The following SLC14A2 variants were observed in gnomAD, a reference collection of about 807,000 sequenced individuals.
SLC14A2 encodes solute carrier family 14 member 2.
In SLC14A2, 91 loss-of-function variants were observed where a neutral mutation model predicts 104.6. That is an observed-to-expected ratio of 0.87 (90% CI 0.73 to 1.04). SLC14A2 has a LOEUF of 1.04. Ranked by LOEUF, SLC14A2 falls within the 50% of genes least tolerant of loss-of-function variation. SLC14A2 has a pLI of 0.00. For missense variants in SLC14A2, 1,189 were observed against 1,156.0 expected (o/e 1.03, Z -0.41); for synonymous variants, 476 against 466.4 (o/e 1.02, Z -0.27).
chr18:45,491,464 G>A (rs1031285293), intron 2 of SLC14A2, among the ~76,000 whole-genome samples: 1 of 152,172 alleles, frequency 6.6e-6, no homozygotes, highest in African/African-American at 2.4e-5. Flanking sequence ...TGCCTTTTTG[G>A]AAGAAGGAGT....
intron 1 of SLC14A2, among the ~76,000 whole-genome samples, chr18:45,236,703 T>C (rs1416967408): frequency 3.9e-5 from 6 of 151,908 alleles, no homozygotes; most frequent in African/African-American, 7.3e-5. Context: ...TTAGCTATTA[T>C]GAATAGTGCT....
At chr18:45,513,640 T>C (rs2043397496) in intron 2 of SLC14A2, among the ~76,000 whole-genome samples, 1 of 152,150 alleles carries the variant, frequency 6.6e-6, no homozygotes, top group Non-Finnish European at 1.5e-5. Flanking sequence ...TATCCATATA[T>C]ACATAAAGAA....
Position 45,682,321 on chromosome 18 carries a change from TG to T in SLC14A2, c.2567del (p.Gly856AspfsTer19). The T allele has an allele frequency of 6.2e-7, 1 of 1,614,166 alleles. No individual in the cohort carries two copies. The highest frequency in any genetic ancestry group is 8.5e-7 in the Non-Finnish European group (1 of 1,179,992). On this transcript the variant is annotated frameshift_variant, in exon 20 of 20. Transcript: ENST00000255226. LOFTEE classifies it high-confidence loss of function. ...AALANMLSVF[G>X]LPPCTWPFCL... Reference sequence around the variant, plus strand: ...TTATCTGTGTTCTTTCTCTCCAGTTTGGATTGCCGCCCTGCACTTGGCCCTT... The same window carrying T: ...TTATCTGTGTTCTTTCTCTCCAGTTTGATTGCCGCCCTGCACTTGGCCCTT...
intron 2 of SLC14A2, among the ~76,000 whole-genome samples, chr18:45,520,107 TG>T (rs1227814452): frequency 1.5e-4 from 23 of 152,214 alleles, no homozygotes; most frequent in Admixed American, 1.5e-3. Context: ...AAACCATATT[TG>T]GTATGTCTTT....
intron 2 of SLC14A2, among the ~76,000 whole-genome samples, chr18:45,585,729 C>T (rs373424787): frequency 1.3e-5 from 2 of 152,216 alleles, no homozygotes; most frequent in South Asian, 2.1e-4. Context: ...TTCCAGTCCT[C>T]GACTCCACTC....
At chr18:45,233,853 G>A (rs2084200012) in intron 1 of SLC14A2, among the ~76,000 whole-genome samples, 1 of 150,106 alleles carries the variant, frequency 6.7e-6, no homozygotes, top group Middle Eastern at 3.4e-3. Flanking sequence ...AAAAAGTGGA[G>A]TTGCTTCTTA....
chr18:45,465,482 G>A (rs1243669497), intron 1 of SLC14A2, among the ~76,000 whole-genome samples: 1 of 152,186 alleles, frequency 6.6e-6, no homozygotes, highest in Non-Finnish European at 1.5e-5. Context: ...CCATGATGGA[G>A]GTGATCTTTT....
chr18:45,230,518 A>AGCT (rs1399430946), intron 1 of SLC14A2, among the ~76,000 whole-genome samples: 1 of 152,194 alleles, frequency 6.6e-6, no homozygotes, highest in Non-Finnish European at 1.5e-5. Flanking sequence ...TCTGTGAAGG[A>AGCT]GCTGTGGGAT....
At chr18:45,206,397 T>A in the SLC14A2 span, among the ~76,000 whole-genome samples, 136,981 of 152,104 alleles carry the variant, frequency 0.9, 61,696 homozygotes, top group Middle Eastern at 0.93. Flanking sequence ...CTCCAGAAAT[T>A]TCAGTACACA....
intron 1 of SLC14A2, among the ~76,000 whole-genome samples, chr18:45,329,011 G>A (rs1394774297): frequency 1.3e-5 from 2 of 152,230 alleles, no homozygotes; most frequent in South Asian, 2.1e-4. Flanking sequence ...AGGGCCTAAC[G>A]ATTTTTCCAG....
At chr18:45,537,123 C>T (rs375309219) in intron 2 of SLC14A2, among the ~76,000 whole-genome samples, 8 of 147,540 alleles carry the variant, frequency 5.4e-5, no homozygotes, top group African/African-American at 1.8e-4. Context: ...TTGCCAGGCA[C>T]ATTGTCCTAG....
chr18:45,519,533 C>T (rs2043487898), intron 2 of SLC14A2, among the ~76,000 whole-genome samples: 1 of 152,202 alleles, frequency 6.6e-6, no homozygotes, highest in Non-Finnish European at 1.5e-5. Flanking sequence ...ACCTCACTCA[C>T]TCACCCCTGG....
intron 2 of SLC14A2, among the ~76,000 whole-genome samples, chr18:45,559,621 G>A (rs1181798739): frequency 2.0e-5 from 3 of 152,130 alleles, no homozygotes; most frequent in African/African-American, 7.2e-5. Flanking sequence ...AATCCATATG[G>A]TCCTCCCACT....
intron 1 of SLC14A2, among the ~76,000 whole-genome samples, chr18:45,216,518 A>G (rs1208087619): frequency 1.3e-5 from 2 of 152,160 alleles, no homozygotes; most frequent in Admixed American, 6.5e-5. Flanking sequence ...ATTGAAATAT[A>G]TCGGTGTTGG....
chr18:45,173,754 A>G, the SLC14A2 span, among the ~76,000 whole-genome samples: 1 of 152,136 alleles, frequency 6.6e-6, no homozygotes, highest in Non-Finnish European at 1.5e-5. Flanking sequence ...GATGCTTAGA[A>G]ATGAAATGTA....
chr18:45,385,410 A>G (rs562553815), intron 1 of SLC14A2, among the ~76,000 whole-genome samples: 234 of 152,328 alleles, frequency 1.5e-3, no homozygotes, highest in Non-Finnish European at 2.6e-3. Context: ...CCTTCTTCCC[A>G]GGGTCTGAGA....
intron 2 of SLC14A2, among the ~76,000 whole-genome samples, chr18:45,508,294 C>G (rs2043314272): frequency 6.6e-6 from 1 of 152,202 alleles, no homozygotes; most frequent in Non-Finnish European, 1.5e-5. Context: ...CCATCCAAAT[C>G]TCATCTTGAA....
At chr18:45,639,245 A>G (rs569461295) in intron 6 of SLC14A2, among the ~76,000 whole-genome samples, 2 of 152,350 alleles carry the variant, frequency 1.3e-5, no homozygotes, top group South Asian at 4.1e-4. Context: ...AGCAAGGGTG[A>G]CAAAGACCTC....
chr18:45,666,855 CCT>C (rs1478058346), intron 12 of SLC14A2, 78 bp from the exon 13 acceptor site: 5 of 1,198,998 alleles, frequency 4.2e-6, no homozygotes, highest in Non-Finnish European at 6.0e-6. Flanking sequence ...TTATTTGGTC[CCT>C]GAGTGACCAC....
Sources: gnomAD v4.1 joint callset for allele counts (sites outside exome capture counted in the v4.1 genomes callset) on GRCh38, gnomAD v4.1.1 for gene constraint, MANE v1.5 for transcripts, NCBI Gene and HGNC (gene_info 2026-07-23, HGNC 2026-07-21) for gene names.